PTPRD: variants seen among roughly 807,000 people sequenced by gnomAD.
The protein encoded by PTPRD is receptor-type tyrosine-protein phosphatase delta.
In PTPRD, 34 loss-of-function variants were observed where a neutral mutation model predicts 214.5. That is an observed-to-expected ratio of 0.16 (90% CI 0.12 to 0.21). PTPRD has a LOEUF of 0.21. PTPRD is among the 10% of genes least tolerant of loss of function. PTPRD has a pLI of 1.00. For synonymous variants in PTPRD, 1,128 were observed against 845.7 expected (o/e 1.33, Z -5.79); for missense variants, 2,545 against 2,398.7 (o/e 1.06, Z -1.27).
intron 5 of PTPRD, among the ~76,000 whole-genome samples, chr9:9,789,469 G>C (rs972058249): frequency 3.3e-5 from 5 of 152,084 alleles, no homozygotes; most frequent in Admixed American, 3.3e-4. Context: ...ACTCTACTGA[G>C]GGGGAGATAA....
At chr9:10,230,583 C>A (rs2099606057) in intron 3 of PTPRD, among the ~76,000 whole-genome samples, 1 of 151,818 alleles carries the variant, frequency 6.6e-6, no homozygotes, top group African/African-American at 2.4e-5. Flanking sequence ...ACCTGTTTTC[C>A]TTCTGCCTAA....
At chr9:9,530,476 T>C (rs1048271046) in intron 8 of PTPRD, among the ~76,000 whole-genome samples, 2 of 152,014 alleles carry the variant, frequency 1.3e-5, no homozygotes, top group African/African-American at 4.8e-5. Flanking sequence ...TAACAAGTAA[T>C]GACATTGAAT....
At chr9:10,546,392 G>T (rs1461945524) in intron 2 of PTPRD, among the ~76,000 whole-genome samples, 1 of 152,006 alleles carries the variant, frequency 6.6e-6, no homozygotes, top group Non-Finnish European at 1.5e-5. Context: ...AAATGAGAAA[G>T]AAGAAAGGTA....
At chr9:10,560,868 G>A (rs954333438) in intron 2 of PTPRD, among the ~76,000 whole-genome samples, 1 of 152,130 alleles carries the variant, frequency 6.6e-6, no homozygotes, top group African/African-American at 2.4e-5. Flanking sequence ...CATAAATATA[G>A]AGCCTGTCCA....
chr9:9,923,677 ATCT>A (rs1387646490), intron 5 of PTPRD, among the ~76,000 whole-genome samples: 2 of 152,012 alleles, frequency 1.3e-5, no homozygotes, highest in African/African-American at 4.8e-5. Flanking sequence ...AGCAAGAATA[ATCT>A]TCAACTTAAA....
At chr9:9,642,067 A>G (rs1300532649) in intron 7 of PTPRD, among the ~76,000 whole-genome samples, 2 of 149,484 alleles carry the variant, frequency 1.3e-5, no homozygotes, top group Admixed American at 1.3e-4. Context: ...CATATACACC[A>G]TGGAATACTA....
intron 4 of PTPRD, among the ~76,000 whole-genome samples, chr9:9,967,923 TACATAA>T (rs2154034901): frequency 6.6e-6 from 1 of 152,220 alleles, no homozygotes; most frequent in South Asian, 2.1e-4. Flanking sequence ...GATATTATGA[TACATAA>T]ACATATTAAG....
At chr9:9,397,245 T>C (rs993475314) in intron 9 of PTPRD, among the ~76,000 whole-genome samples, 5 of 151,996 alleles carry the variant, frequency 3.3e-5, no homozygotes, top group African/African-American at 4.8e-5. Flanking sequence ...AATAAACATC[T>C]CTGTTGACAA....
chr9:8,490,369 T>C (rs769554845), intron 27 of PTPRD, among the ~76,000 whole-genome samples: 6 of 152,218 alleles, frequency 3.9e-5, no homozygotes, highest in Admixed American at 6.5e-5. Flanking sequence ...ATTGGAATCA[T>C]TGGAGATCAA....
intron 11 of PTPRD, among the ~76,000 whole-genome samples, chr9:8,828,910 C>A (rs2097227115): frequency 6.6e-6 from 1 of 152,100 alleles, no homozygotes; most frequent in African/African-American, 2.4e-5. Context: ...CGTTCATCTT[C>A]ACAGCATATG....
chr9:9,080,811 G>C (rs531362413), intron 10 of PTPRD, among the ~76,000 whole-genome samples: 36 of 152,170 alleles, frequency 2.4e-4, no homozygotes, highest in Admixed American at 7.9e-4. Flanking sequence ...TTCTCTGATG[G>C]TAGTTTGTAT....
intron 12 of PTPRD, among the ~76,000 whole-genome samples, chr9:8,702,135 C>G (rs1276388973): frequency 1.3e-5 from 2 of 151,908 alleles, no homozygotes; most frequent in Non-Finnish European, 2.9e-5. Context: ...ACTTTCATAG[C>G]TTTTAATTTC....
intron 11 of PTPRD, among the ~76,000 whole-genome samples, chr9:8,774,350 A>T (rs997054121): frequency 7.2e-5 from 11 of 152,090 alleles, no homozygotes; most frequent in African/African-American, 2.7e-4. Flanking sequence ...AAAATCCTAA[A>T]ACATGAAAGA....
chr9:8,908,825 T>C (rs1196973782), intron 11 of PTPRD, among the ~76,000 whole-genome samples: 1 of 151,354 alleles, frequency 6.6e-6, no homozygotes, highest in Non-Finnish European at 1.5e-5. Context: ...AACCTTTAAC[T>C]CGATTATCCA....
At position 8,849,384 on chromosome 9, in the gene PTPRD, G is replaced by A. The variant is rs144850802; in HGVS notation, c.-103-115438C>T. ...TGGGACTACAGGCGCCCACCACCAC[G>A]CCCAGCTTATTTTTTGTATTTTTAG... On this transcript the variant is annotated intron_variant, in intron 11 of 45. Coordinates refer to ENST00000381196, the MANE Select transcript of PTPRD (RefSeq NM_002839.4). Among the ~76,000 whole-genome samples the A allele has an allele frequency of 5.0e-3, 753 of 151,744 alleles. 5 individuals are homozygous for A. Among genetic ancestry groups the A allele is most frequent in the African/African-American group, 0.017 (719 of 41,424 alleles).
At chr9:10,226,752 C>A (rs1035872445) in intron 3 of PTPRD, among the ~76,000 whole-genome samples, 1 of 151,946 alleles carries the variant, frequency 6.6e-6, no homozygotes. Flanking sequence ...GAGATAAAAT[C>A]TGTGTGTATG....
intron 3 of PTPRD, among the ~76,000 whole-genome samples, chr9:10,330,004 AAG>A (rs1459271334): frequency 6.6e-6 from 1 of 151,824 alleles, no homozygotes; most frequent in African/African-American, 2.4e-5. Context: ...TTAGGAATAA[AAG>A]TTGGACTCTA....
chr9:9,211,515 G>GCGCACA (rs990404545), intron 9 of PTPRD, among the ~76,000 whole-genome samples: 1,539 of 143,554 alleles, frequency 0.011, 9 homozygotes, highest in Non-Finnish European at 0.013. Context: ...GTGTGCGCAC[G>GCGCACA]CACACACACA....
chr9:8,387,520 A>G (rs559346120), intron 37 of PTPRD, among the ~76,000 whole-genome samples: 9 of 152,236 alleles, frequency 5.9e-5, no homozygotes, highest in Non-Finnish European at 1.3e-4. Flanking sequence ...GCTTGTTACC[A>G]GCAGTTATCT....
Sources: gnomAD v4.1 joint callset for allele counts (sites outside exome capture counted in the v4.1 genomes callset) on GRCh38, gnomAD v4.1.1 for gene constraint, MANE v1.5 for transcripts, NCBI Gene and HGNC (gene_info 2026-07-23, HGNC 2026-07-21) for gene names.